The following CDH13 variants were observed in gnomAD, a reference collection of about 807,000 sequenced individuals.
CDH13 encodes the protein cadherin 13.
In CDH13, 24 loss-of-function variants were observed where a neutral mutation model predicts 63.8. The ratio of observed to expected loss-of-function variants is 0.38; its 90% CI spans 0.27 to 0.53. The LOEUF is 0.53. CDH13 is among the 20% of genes least tolerant of loss of function. CDH13 has a pLI of 0.85. For synonymous variants in CDH13, 503 were observed against 355.3 expected, an observed-to-expected ratio of 1.42 and a Z score of -4.67; for missense variants, 1,049 against 903.1, an observed-to-expected ratio of 1.16 and a Z score of -2.07.
At chr16:83,570,428 C>A (rs189694362) in intron 7 of CDH13, among the ~76,000 whole-genome samples, 3 of 152,066 alleles carry the variant, frequency 2.0e-5, no homozygotes, top group Non-Finnish European at 4.4e-5. Context: ...GCCATTTAAC[C>A]CAACCCTTTC....
At chr16:82,868,432 A>T (rs531579451) in intron 2 of CDH13, among the ~76,000 whole-genome samples, 2 of 152,230 alleles carry the variant, frequency 1.3e-5, no homozygotes, top group Admixed American at 6.5e-5. Context: ...GTGAAATACT[A>T]TAATAAAATG....
At chr16:82,883,885 C>T (rs2040790347) in intron 2 of CDH13, among the ~76,000 whole-genome samples, 1 of 152,160 alleles carries the variant, frequency 6.6e-6, no homozygotes. Flanking sequence ...GCCACTGGAG[C>T]CCAGCTGCTT....
intron 7 of CDH13, among the ~76,000 whole-genome samples, chr16:83,521,388 G>A (rs1217784851): frequency 9.9e-5 from 15 of 151,916 alleles, no homozygotes; most frequent in Admixed American, 9.8e-4. Context: ...AAAAAAAATT[G>A]TATTTTTATG....
At chr16:83,153,197 G>T (rs577023610) in intron 4 of CDH13, among the ~76,000 whole-genome samples, 1 of 152,218 alleles carries the variant, frequency 6.6e-6, no homozygotes, top group East Asian at 1.9e-4. Context: ...GGAGGGGAGG[G>T]GCAGTGAGTT....
chr16:83,421,880 C>T (rs1409805445), intron 6 of CDH13, among the ~76,000 whole-genome samples: 1 of 152,170 alleles, frequency 6.6e-6, no homozygotes, highest in East Asian at 1.9e-4. Flanking sequence ...GTCAAGATTA[C>T]CCAAAGCACC....
At chr16:83,036,252 T>A (rs975996193) in intron 3 of CDH13, among the ~76,000 whole-genome samples, 1 of 150,542 alleles carries the variant, frequency 6.6e-6, no homozygotes, top group Non-Finnish European at 1.5e-5. Flanking sequence ...TGGGTTCAAG[T>A]GATTCTCCTG....
chr16:82,684,783 G>T (rs763571124), intron 1 of CDH13, among the ~76,000 whole-genome samples: 7 of 152,182 alleles, frequency 4.6e-5, no homozygotes, highest in African/African-American at 1.7e-4. Context: ...AACATGACTT[G>T]CAGGCATAGC....
intron 6 of CDH13, among the ~76,000 whole-genome samples, chr16:83,368,983 G>A (rs1167189296): frequency 1.0e-4 from 13 of 124,598 alleles, no homozygotes; most frequent in African/African-American, 4.2e-4. Context: ...CACTTGGCCT[G>A]GTTCCATGTT....
intron 1 of CDH13, among the ~76,000 whole-genome samples, chr16:82,758,155 T>C (rs950175882): frequency 6.6e-6 from 1 of 152,084 alleles, no homozygotes; most frequent in Non-Finnish European, 1.5e-5. Context: ...GGAAAAGACC[T>C]GGTCAAAATT....
chr16:82,894,822 A>C (rs1567638354), intron 2 of CDH13, among the ~76,000 whole-genome samples: 1 of 152,196 alleles, frequency 6.6e-6, no homozygotes, highest in Admixed American at 6.5e-5. Context: ...AAGTGACGTG[A>C]ATATGTGTGA....
chr16:83,350,389 T>A (rs552451381), intron 6 of CDH13, among the ~76,000 whole-genome samples: 1 of 152,366 alleles, frequency 6.6e-6, no homozygotes, highest in African/African-American at 2.4e-5. Flanking sequence ...GGCATTTACC[T>A]AAAGGTGCAC....
intron 8 of CDH13, among the ~76,000 whole-genome samples, chr16:83,657,524 C>T (rs975400177): frequency 6.6e-6 from 1 of 152,160 alleles, no homozygotes; most frequent in Non-Finnish European, 1.5e-5. Context: ...ACCAGTAGCT[C>T]CAAAGTGTTC....
intron 6 of CDH13, among the ~76,000 whole-genome samples, chr16:83,448,108 G>A (rs1715555578): frequency 1.3e-5 from 2 of 152,174 alleles, no homozygotes; most frequent in South Asian, 4.1e-4. Flanking sequence ...TTTTATTATA[G>A]AGATATAACT....
chr16:83,309,315 G>C (rs1296848020), intron 5 of CDH13, among the ~76,000 whole-genome samples: 1 of 152,098 alleles, frequency 6.6e-6, no homozygotes, highest in Non-Finnish European at 1.5e-5. Flanking sequence ...TATGGTGAGA[G>C]CACTGTCTTC....
At chr16:83,486,395 C>T (rs1232573309) in intron 6 of CDH13, 82 bp from the exon 7 acceptor site, 1 of 1,176,240 alleles carries the variant, frequency 8.5e-7, no homozygotes. Context: ...TGCTGCACTG[C>T]TATTGCCCAG....
intron 5 of CDH13, among the ~76,000 whole-genome samples, chr16:83,305,604 G>C (rs1198424916): frequency 6.6e-6 from 1 of 152,210 alleles, no homozygotes; most frequent in East Asian, 1.9e-4. Flanking sequence ...CCACGTAGCA[G>C]CTATAACCTT....
chr16:82,808,096 C>T (rs2037244807), intron 1 of CDH13, among the ~76,000 whole-genome samples: 1 of 152,158 alleles, frequency 6.6e-6, no homozygotes, highest in Admixed American at 6.5e-5. Flanking sequence ...GGGTCTCCAG[C>T]TAACTAGCTC....
At chr16:83,417,065 T>A (rs2071571597) in intron 6 of CDH13, among the ~76,000 whole-genome samples, 1 of 152,222 alleles carries the variant, frequency 6.6e-6, no homozygotes, top group Non-Finnish European at 1.5e-5. Flanking sequence ...TCACTTATCA[T>A]GGGAATGATC....
intron 6 of CDH13, among the ~76,000 whole-genome samples, chr16:83,462,465 T>A (rs1291842112): frequency 6.6e-6 from 1 of 152,160 alleles, no homozygotes; most frequent in African/African-American, 2.4e-5. Flanking sequence ...AAGAAAGAAA[T>A]TAGAGGCAAG....
Sources: gnomAD v4.1 joint callset for allele counts (sites outside exome capture counted in the v4.1 genomes callset) on GRCh38, gnomAD v4.1.1 for gene constraint, MANE v1.5 for transcripts, NCBI Gene and HGNC (gene_info 2026-07-23, HGNC 2026-07-21) for gene names.